The following NVL variants were observed in gnomAD, a reference collection of about 807,000 sequenced individuals.
NVL encodes nuclear valosin-containing protein-like.
In NVL, 84 loss-of-function variants were observed where a neutral mutation model predicts 110.2. The ratio of observed to expected loss-of-function variants is 0.76; its 90% CI spans 0.64 to 0.91. The LOEUF is 0.91. NVL is among the 40% of genes least tolerant of loss of function. The pLI is 0.00. For synonymous variants in NVL, 354 were observed against 361.1 expected (o/e 0.98, Z 0.22); for missense variants, 882 against 1,035.9 (o/e 0.85, Z 2.04).
chr1:224,317,509 C>T (rs1255691696), intron 4 of NVL, among the ~76,000 whole-genome samples, 185 bp downstream of exon 4: 1 of 152,074 alleles, frequency 6.6e-6, no homozygotes, highest in Non-Finnish European at 1.5e-5. Flanking sequence ...ACCACCCATA[C>T]AAAGGCACAG....
intron 8 of NVL, among the ~76,000 whole-genome samples, chr1:224,304,286 G>A (rs752612851): frequency 5.3e-5 from 8 of 151,986 alleles, no homozygotes; most frequent in South Asian, 2.1e-4. Context: ...TTAGCTGGGC[G>A]TGGTGGCACA....
In NVL at chr1:224,289,724, T is replaced by C; in HGVS notation, c.1335A>G (p.Gln445=). 1 of 1,612,898 alleles carries C rather than the reference T, an allele frequency of 6.2e-7. No homozygotes were observed. Among genetic ancestry groups the C allele is most frequent in the Non-Finnish European group, 8.5e-7 (1 of 1,179,214 alleles). ...GAAGCCTCAGTTTTCTGCACAATGTTTGAAGTATTCTGTAGAAAAGACAGG... is the reference window on the plus strand; with the variant it reads ...GAAGCCTCAGTTTTCTGCACAATGTCTGAAGTATTCTGTAGAAAAGACAGG... ...PDEASRERIL[Q]TLCRKLRLPQ... is the part of the protein sequence containing the mutation. The change falls in exon 13 of 23, where the codon CAA becomes CAG. Residue 445 remains glutamine, a synonymous_variant. Transcript: ENST00000281701.
At chr1:224,266,635 C>T (rs1664529459) in intron 18 of NVL, among the ~76,000 whole-genome samples, 2 of 152,162 alleles carry the variant, frequency 1.3e-5, no homozygotes, top group Admixed American at 1.3e-4. Context: ...ACAAAACAGA[C>T]TAAGACAAGC....
At chr1:224,311,776 G>A in intron 5 of NVL, 24 bp downstream of exon 5, 1 of 1,591,932 alleles carries the variant, frequency 6.3e-7, no homozygotes. Flanking sequence ...AAATCTAAGT[G>A]GACCCACTAA....
At position 224,289,600 on chromosome 1, in the gene NVL, T is replaced by C. The variant is rs986157970; in HGVS notation, c.1459A>G (p.Asn487Asp). The change falls in exon 13 of 23, where the codon AAT becomes GAT. Residue 487 changes from asparagine (N) to aspartate (D), a missense_variant. Asn to Asp is a conservative substitution (Grantham distance 23). Transcript: ENST00000281701. ...LCREAAMCAV[N>D]RVLMKLQEQQ... The stretch of plus-strand genomic sequence containing the variant: ...TCCTGTAGCTTCATTAAGACTCTAT[T>C]GACTGCACACATTGCTGCCTCTCGG... 6.2e-7 allele frequency: 1 copy of C among 1,614,250 alleles called. No homozygotes were observed. Among genetic ancestry groups the C allele is most frequent in the South Asian group, 1.1e-5 (1 of 91,092 alleles).
chr1:224,227,537 T>G lies in NVL; in HGVS notation c.*89A>C. ...AAATGTTTACATGAGGCCGCGCCTG[T>G]GTCCAGCTGAAAGTGGGTCCTTCAG... On this transcript the variant is annotated 3_prime_UTR_variant, in exon 23 of 23. Transcript: ENST00000281701. 2 of 1,148,540 alleles carry G rather than the reference T, an allele frequency of 1.7e-6. No individual in the cohort carries two copies. The highest frequency in any genetic ancestry group is 2.5e-6 in the Non-Finnish European group (2 of 797,958). 71.1% of individuals were successfully genotyped at this position (1,148,540 alleles called of 1,614,324 possible). A position where few individuals can be genotyped will look rare whatever the true frequency, so the allele number is the denominator to read the frequency against.
intron 10 of NVL, among the ~76,000 whole-genome samples, chr1:224,300,041 T>C (rs1251586252): frequency 2.0e-5 from 3 of 152,264 alleles, no homozygotes; most frequent in African/African-American, 7.2e-5. Flanking sequence ...GCTTGTGCTG[T>C]GTGCAAGGCA....
intron 18 of NVL, among the ~76,000 whole-genome samples, chr1:224,254,563 G>GTTTTTTTTTTTTTTTT (rs71572893): frequency 1.1e-4 from 4 of 36,702 alleles, no homozygotes; most frequent in African/African-American, 2.1e-4. Context: ...CGGCTAATTT[G>GTTTTTTTTTTTTTTTT]TTTTTTTTGT....
chr1:224,258,979 T>TAAAAAA (rs34767555), intron 18 of NVL, among the ~76,000 whole-genome samples: 5 of 60,202 alleles, frequency 8.3e-5, no homozygotes, highest in Middle Eastern at 0.012. Context: ...GTCTCTACAT[T>TAAAAAA]AAAAAAAAAA....
intron 2 of NVL, among the ~76,000 whole-genome samples, chr1:224,322,787 C>G (rs990975920): frequency 1.3e-5 from 2 of 152,064 alleles, no homozygotes; most frequent in Non-Finnish European, 2.9e-5. Context: ...AACCCTGTCG[C>G]TACTAAAATA....
At chr1:224,233,404 C>A in intron 20 of NVL, 115 bp from the exon 21 acceptor site, 1 of 630,350 alleles carries the variant, frequency 1.6e-6, no homozygotes, top group Non-Finnish European at 2.5e-6. Flanking sequence ...GAAAAAGTGA[C>A]CAATAAAGAT....
intron 2 of NVL, among the ~76,000 whole-genome samples, chr1:224,323,859 T>G (rs1670894378): frequency 6.6e-6 from 1 of 152,214 alleles, no homozygotes; most frequent in African/African-American, 2.4e-5. Flanking sequence ...TTTGCCCTGC[T>G]TGGTTTTAGA....
At chr1:224,251,381 CA>C (rs1304045365) in intron 18 of NVL, among the ~76,000 whole-genome samples, 1 of 150,798 alleles carries the variant, frequency 6.6e-6, no homozygotes, top group East Asian at 2.0e-4. Flanking sequence ...TTCTGCTCAT[CA>C]AAATACATCT....
At chr1:224,227,761 A>G in intron 22 of NVL, 91 bp from the exon 23 acceptor site, 1 of 1,128,284 alleles carries the variant, frequency 8.9e-7, no homozygotes, top group Non-Finnish European at 1.3e-6. Flanking sequence ...TGCAGTCCGC[A>G]CCCGCAGGAC....
At chr1:224,277,391 A>G (rs6699017) in intron 16 of NVL, among the ~76,000 whole-genome samples, 22,115 of 152,158 alleles carry the variant, frequency 0.15, 3,201 homozygotes, top group African/African-American at 0.37. Flanking sequence ...ATTCAGTACT[A>G]TTGTAAAAGA....
intron 2 of NVL, among the ~76,000 whole-genome samples, chr1:224,321,382 G>A (rs1670629030): frequency 6.6e-6 from 1 of 152,168 alleles, no homozygotes; most frequent in African/African-American, 2.4e-5. Flanking sequence ...GCCAACACCT[G>A]GATAAGAGAA....
At chr1:224,319,488 T>C (rs947635015) in intron 2 of NVL, among the ~76,000 whole-genome samples, 1 of 152,004 alleles carries the variant, frequency 6.6e-6, no homozygotes, top group Non-Finnish European at 1.5e-5. Flanking sequence ...TTTGTATTTT[T>C]AGTAGAGACA....
chr1:224,284,098 C>G (rs1666632504), intron 15 of NVL, among the ~76,000 whole-genome samples: 1 of 151,958 alleles, frequency 6.6e-6, no homozygotes. Context: ...ACATACTTTA[C>G]ACATAGGGAA....
intron 19 of NVL, among the ~76,000 whole-genome samples, chr1:224,237,774 G>A (rs1304523381): frequency 2.2e-5 from 3 of 138,978 alleles, no homozygotes; most frequent in Non-Finnish European, 4.6e-5. Context: ...GTGCAGTGGT[G>A]CGATCTTGGC....
Sources: allele counts gnomAD v4.1 joint callset (sites outside exome capture counted in the v4.1 genomes callset), GRCh38; gene constraint gnomAD v4.1.1; transcripts MANE v1.5; gene names NCBI Gene and HGNC (gene_info 2026-07-23, HGNC 2026-07-21).